The following WDR70 variants were observed in gnomAD, a reference collection of about 807,000 sequenced individuals.
WDR70 encodes WD repeat domain 70, also known as WD repeat-containing protein 70.
In WDR70, 53 loss-of-function variants were observed where a neutral mutation model predicts 88.6. The ratio of observed to expected loss-of-function variants is 0.60; its 90% CI spans 0.48 to 0.75. The LOEUF (loss-of-function observed/expected upper bound fraction) is 0.75, where lower values mean the gene tolerates loss of function less well. Ranked by LOEUF, WDR70 falls within the 30% of genes least tolerant of loss-of-function variation. The pLI is 0.00. For missense variants in WDR70, 610 were observed against 823.2 expected, an observed-to-expected ratio of 0.74 and a Z score of 3.17; for synonymous variants, 280 against 270.0, an observed-to-expected ratio of 1.04 and a Z score of -0.36.
At chr5:37,519,811 C>A (rs1336156449) in intron 9 of WDR70, among the ~76,000 whole-genome samples, 1 of 152,238 alleles carries the variant, frequency 6.6e-6, no homozygotes, top group East Asian at 1.9e-4. Context: ...TTCGCTAAAT[C>A]ATATGGTAGC....
Position 37,701,084 on chromosome 5 carries a change from A to G in WDR70, c.1219A>G (p.Ile407Val). 1 of 1,612,180 alleles carries G rather than the reference A, an allele frequency of 6.2e-7. No individual in the cohort carries two copies. The highest frequency in any genetic ancestry group is 8.5e-7 in the Non-Finnish European group (1 of 1,178,476). The change falls in exon 12 of 18, where the codon ATC becomes GTC. Residue 407 changes from isoleucine to valine, a missense_variant. Around this residue, in one of 4 missense-constraint regions of WDR70, gnomAD observed 254 missense variants for 300.7 expected, o/e 0.84. Coordinates refer to ENST00000265107, the MANE Select transcript of WDR70 (RefSeq NM_018034.4). Reference protein sequence around the residue: ...GGDDSLKLWDIRQFNKPLFSA... With the variant: ...GGDDSLKLWDVRQFNKPLFSA... ...TGACGATTCATTAAAATTATGGGAC[A>G]TCCGACAATTTAATAAACCACTTTT...
chr5:37,395,450 C>T (rs1269598087), intron 4 of WDR70, among the ~76,000 whole-genome samples: 1 of 152,140 alleles, frequency 6.6e-6, no homozygotes, highest in East Asian at 1.9e-4. Flanking sequence ...CACTGGACAA[C>T]CAGAAACAAA....
intron 13 of WDR70, among the ~76,000 whole-genome samples, chr5:37,703,875 T>G (rs1006004782): frequency 6.6e-6 from 1 of 152,236 alleles, no homozygotes; most frequent in African/African-American, 2.4e-5. Flanking sequence ...TTGTCAAATC[T>G]TTTAGTAATA....
At chr5:37,433,360 C>T (rs899907640) in intron 5 of WDR70, among the ~76,000 whole-genome samples, 1 of 152,130 alleles carries the variant, frequency 6.6e-6, no homozygotes, top group African/African-American at 2.4e-5. Context: ...CGTGCCTGGC[C>T]TAAAATCTCA....
chr5:37,642,630 C>T (rs994988104), intron 10 of WDR70, among the ~76,000 whole-genome samples: 7 of 152,128 alleles, frequency 4.6e-5, no homozygotes, highest in East Asian at 1.9e-4. Context: ...TATGAGTGTT[C>T]TCTTTTCTCC....
intron 11 of WDR70, among the ~76,000 whole-genome samples, chr5:37,699,400 T>TACACACACACAC (rs780871678): frequency 3.5e-4 from 52 of 147,048 alleles, no homozygotes; most frequent in Middle Eastern, 3.5e-3. Context: ...TGTATATATA[T>TACACACACACAC]ATACACACAC....
chr5:37,697,963 C>T, intron 11 of WDR70: 1 of 442,976 alleles, frequency 2.3e-6, no homozygotes, highest in Non-Finnish European at 4.0e-6. Flanking sequence ...TAAATATTTA[C>T]TTTTTTTTGG....
chr5:37,722,907 A>C lies in WDR70; in HGVS notation c.1570A>C (p.Thr524Pro). The change falls in exon 15 of 18, where the codon ACT becomes CCT. Residue 524 changes from threonine to proline, a missense_variant. This residue lies in a region of WDR70 where 254 missense variants were observed against 300.7 expected (regional missense o/e 0.84). Coordinates refer to ENST00000265107, the MANE Select transcript of WDR70 (RefSeq NM_018034.4). ...KTQRKAKQAE[T>P]LTQDYIITPH... ...CCAGCGGAAGGCAAAACAAGCTGAG[A>C]CTCTAACTCAGGACTACATCATCAC... 1 of 1,613,566 alleles carries C rather than the reference A, an allele frequency of 6.2e-7. No individual in the cohort carries two copies. The highest frequency in any genetic ancestry group is 2.2e-5 in the East Asian group (1 of 44,846).
intron 10 of WDR70, among the ~76,000 whole-genome samples, chr5:37,615,375 A>G (rs1415627371): frequency 6.6e-6 from 1 of 152,156 alleles, no homozygotes; most frequent in Admixed American, 6.5e-5. Context: ...GCGTCATGAA[A>G]TTTCAGGACA....
intron 9 of WDR70, among the ~76,000 whole-genome samples, chr5:37,561,504 A>C (rs1742501933): frequency 6.6e-6 from 1 of 152,246 alleles, no homozygotes; most frequent in Non-Finnish European, 1.5e-5. Flanking sequence ...GCTAACAACA[A>C]ATAAGGTTAG....
chr5:37,506,263 G>T, intron 8 of WDR70: 1 of 921,934 alleles, frequency 1.1e-6, no homozygotes, highest in Non-Finnish European at 1.8e-6. Context: ...CGAGATATTG[G>T]TGAATGATCC....
chr5:37,640,354 G>A (rs1329111701), intron 10 of WDR70, among the ~76,000 whole-genome samples: 5 of 152,138 alleles, frequency 3.3e-5, no homozygotes, highest in Admixed American at 6.5e-5. Flanking sequence ...TGTCAGTGCT[G>A]ATACATTTTT....
intron 9 of WDR70, among the ~76,000 whole-genome samples, chr5:37,528,601 A>C (rs1411021516): frequency 1.3e-5 from 2 of 150,704 alleles, no homozygotes; most frequent in Non-Finnish European, 3.0e-5. Flanking sequence ...CACGTTGTAC[A>C]CATGTACCCT....
intron 10 of WDR70, among the ~76,000 whole-genome samples, chr5:37,679,857 C>G (rs1326587075): frequency 6.6e-6 from 1 of 152,256 alleles, no homozygotes. Context: ...CAGAGGCAGG[C>G]AGGCCTCCTT....
intron 8 of WDR70, among the ~76,000 whole-genome samples, chr5:37,515,927 G>GT (rs1326422177): frequency 6.6e-6 from 1 of 152,148 alleles, no homozygotes; most frequent in Non-Finnish European, 1.5e-5. Context: ...GCATCACATT[G>GT]TTTTAATTAT....
At chr5:37,683,367 G>T (rs1746496192) in intron 10 of WDR70, among the ~76,000 whole-genome samples, 1 of 151,950 alleles carries the variant, frequency 6.6e-6, no homozygotes, top group South Asian at 2.1e-4. Flanking sequence ...TCAAAGTTAG[G>T]ATTTGATCCT....
At chr5:37,463,272 GA>G (rs55961268) in intron 7 of WDR70, among the ~76,000 whole-genome samples, 123,415 of 144,490 alleles carry the variant, frequency 0.85, 55,847 homozygotes, top group East Asian at 1. Flanking sequence ...ATTCTGTATC[GA>G]AAAAAAAAAA....
intron 10 of WDR70, among the ~76,000 whole-genome samples, chr5:37,628,615 A>G (rs897947327): frequency 6.6e-6 from 1 of 152,156 alleles, no homozygotes; most frequent in Non-Finnish European, 1.5e-5. Context: ...TTATAGGCAG[A>G]ATATGTTTGG....
intron 13 of WDR70, among the ~76,000 whole-genome samples, chr5:37,709,863 A>G (rs555195855): frequency 6.6e-6 from 1 of 152,118 alleles, no homozygotes; most frequent in Non-Finnish European, 1.5e-5. Context: ...TTTTTGGGGA[A>G]TTTCCTAAAG....
Sources: gnomAD v4.1 joint callset for allele counts (sites outside exome capture counted in the v4.1 genomes callset) on GRCh38, gnomAD v4.1.1 for gene constraint, gnomAD v4.1.1 regional missense constraint, MANE v1.5 for transcripts, NCBI Gene and HGNC (gene_info 2026-07-23, HGNC 2026-07-21) for gene names.